The following MROH9 variants were observed in gnomAD, a reference collection of about 807,000 sequenced individuals.
The protein encoded by MROH9 is maestro heat-like repeat-containing protein family member 9.
A neutral mutation model predicts 98.2 loss-of-function variants in MROH9; 92 were observed. The ratio of observed to expected loss-of-function variants is 0.94; its 90% CI spans 0.79 to 1.11. MROH9 has a LOEUF of 1.11. Among genes scored for constraint, MROH9 ranks in the 50% most tolerant of loss-of-function variants. The pLI is 0.00. For missense variants in MROH9, 1,057 were observed against 1,014.8 expected (o/e 1.04, Z -0.57); for synonymous variants, 397 against 368.9 (o/e 1.08, Z -0.87).
chr1:171,017,902 C>A (rs1036006516), intron 17 of MROH9, among the ~76,000 whole-genome samples: 4 of 151,848 alleles, frequency 2.6e-5, no homozygotes, highest in Admixed American at 2.6e-4. Flanking sequence ...TCTCCTTAGG[C>A]CTGAACCCCT....
At chr1:170,980,487 T>C (rs2101796443) in intron 8 of MROH9, among the ~76,000 whole-genome samples, 1 of 152,290 alleles carries the variant, frequency 6.6e-6, no homozygotes, top group Admixed American at 6.5e-5. Context: ...CTATCTGATC[T>C]TTGACAAACC....
chr1:171,004,065 C>T (rs1356478491), intron 15 of MROH9, among the ~76,000 whole-genome samples: 1 of 152,094 alleles, frequency 6.6e-6, no homozygotes, highest in African/African-American at 2.4e-5. Context: ...CCACACAAAC[C>T]AAAGGGGCAG....
chr1:171,018,143 C>T (rs922135803), intron 17 of MROH9, among the ~76,000 whole-genome samples: 27 of 152,074 alleles, frequency 1.8e-4, no homozygotes, highest in African/African-American at 6.5e-4. Context: ...GGAGTGAGCC[C>T]ACAGGCATCA....
intron 15 of MROH9, among the ~76,000 whole-genome samples, chr1:171,004,255 C>T (rs958129577): frequency 6.6e-6 from 1 of 152,172 alleles, no homozygotes; most frequent in Non-Finnish European, 1.5e-5. Context: ...CCCCCGAGTT[C>T]TGGCCAGGAG....
At chr1:171,017,911 C>T (rs1652383721) in intron 17 of MROH9, among the ~76,000 whole-genome samples, 1 of 152,184 alleles carries the variant, frequency 6.6e-6, no homozygotes, top group African/African-American at 2.4e-5. Context: ...GCCTGAACCC[C>T]TCGTGGGAGG....
intron 16 of MROH9, among the ~76,000 whole-genome samples, chr1:171,015,565 C>T (rs1032901329): frequency 2.6e-5 from 4 of 151,974 alleles, no homozygotes; most frequent in South Asian, 2.1e-4. Flanking sequence ...GTCTCCTTTT[C>T]GTGTTTTTCC....
intron 20 of MROH9, among the ~76,000 whole-genome samples, chr1:171,059,050 G>A (rs1482969593): frequency 6.6e-6 from 1 of 152,160 alleles, no homozygotes; most frequent in Non-Finnish European, 1.5e-5. Flanking sequence ...GGGTGAACAG[G>A]CAACCTACAG....
intron 15 of MROH9, among the ~76,000 whole-genome samples, chr1:171,010,000 C>T (rs1248098189): frequency 6.6e-6 from 1 of 152,048 alleles, no homozygotes. Context: ...GCAGAATGTG[C>T]AGTTTTGTTA....
At chr1:170,942,409 A>ACC (rs1553208368) in intron 1 of MROH9, among the ~76,000 whole-genome samples, 31 of 134,400 alleles carry the variant, frequency 2.3e-4, no homozygotes, top group South Asian at 1.1e-3. Context: ...ACACACACAC[A>ACC]CCCTCAGAGA....
chr1:171,046,096 G>T (rs1372512733), intron 20 of MROH9, among the ~76,000 whole-genome samples: 12 of 151,978 alleles, frequency 7.9e-5, no homozygotes, highest in Non-Finnish European at 4.4e-5. Flanking sequence ...TATCTTTTCT[G>T]ATATAAGTAT....
chr1:171,002,630 CT>C (rs1253613559), intron 15 of MROH9, among the ~76,000 whole-genome samples: 1 of 152,170 alleles, frequency 6.6e-6, no homozygotes, highest in Non-Finnish European at 1.5e-5. Flanking sequence ...TTCTGTTAAT[CT>C]GATATGTTTT....
chr1:171,011,659 C>T lies in MROH9; in HGVS notation c.1597-2458C>T, dbSNP rs114037861. 8.7e-3 allele frequency among the ~76,000 whole-genome samples: 1,329 copies of T among 152,240 alleles called. 23 individuals carry two copies. Among genetic ancestry groups the T allele is most frequent in the African/African-American group, 0.03 (1,246 of 41,544 alleles). On this transcript the variant is annotated intron_variant, in intron 15 of 21. Transcript: ENST00000367759. The stretch of plus-strand genomic sequence containing the variant: ...GCCATTGGAAAACCTACTAGGATGA[C>T]GCCCAGACATGTGTAATGTATAAAA...
chr1:171,016,928 T>C (rs907809967), intron 17 of MROH9, among the ~76,000 whole-genome samples: 2 of 152,234 alleles, frequency 1.3e-5, no homozygotes, highest in Non-Finnish European at 2.9e-5. Context: ...GGAATCTATG[T>C]ATTTTTAAAG....
At chr1:171,010,790 G>A (rs1571500297) in intron 15 of MROH9, among the ~76,000 whole-genome samples, 1 of 151,626 alleles carries the variant, frequency 6.6e-6, no homozygotes, top group East Asian at 1.9e-4. Context: ...TTGTTTTTTT[G>A]TTTTGGTTTT....
rs547162119 is a variant in MROH9 at position 170,972,391 on chromosome 1, A to G, written c.616+508A>G. Among the ~76,000 whole-genome samples the G allele has an allele frequency of 4.0e-3, 602 of 152,352 alleles. 4 individuals carry two copies. The highest frequency in any genetic ancestry group is 0.013 in the African/African-American group (555 of 41,592). Reference sequence around the variant, plus strand: ...GCATTTTAGAACAAAGCTTAAGAATATTTGTATATTTGTAAGGGGTGGAGC... The same window carrying G: ...GCATTTTAGAACAAAGCTTAAGAATGTTTGTATATTTGTAAGGGGTGGAGC... On this transcript the variant is annotated intron_variant, in intron 8 of 21. Transcript: ENST00000367759.
chr1:171,006,828 T>TTG (rs1467317654), intron 15 of MROH9, among the ~76,000 whole-genome samples: 1 of 148,050 alleles, frequency 6.8e-6, no homozygotes, highest in African/African-American at 2.6e-5. Flanking sequence ...GTTATTTTTT[T>TTG]TTTAATTAAG....
intron 20 of MROH9, among the ~76,000 whole-genome samples, chr1:171,035,134 A>G (rs1004255718): frequency 6.6e-5 from 10 of 152,154 alleles, no homozygotes; most frequent in Admixed American, 5.2e-4. Flanking sequence ...AAATATTTCT[A>G]AAGACAAAAA....
At chr1:170,943,029 T>C (rs1455388347) in intron 1 of MROH9, among the ~76,000 whole-genome samples, 2 of 152,190 alleles carry the variant, frequency 1.3e-5, no homozygotes, top group East Asian at 3.9e-4. Flanking sequence ...GTCCTGAAAA[T>C]ATTTGATTCG....
intron 11 of MROH9, among the ~76,000 whole-genome samples, chr1:170,990,532 C>T (rs185435571): frequency 1.3e-5 from 2 of 152,174 alleles, no homozygotes; most frequent in African/African-American, 2.4e-5. Context: ...AATACAAACG[C>T]GAGTCTATGG....
Sources: allele counts gnomAD v4.1 joint callset (sites outside exome capture counted in the v4.1 genomes callset), GRCh38; gene constraint gnomAD v4.1.1; transcripts MANE v1.5; gene names NCBI Gene and HGNC (gene_info 2026-07-23, HGNC 2026-07-21).